SORCS2: variants seen among roughly 807,000 people sequenced by gnomAD.
SORCS2 encodes the protein sortilin related VPS10 domain containing receptor 2, also known as VPS10 domain-containing receptor SorCS2.
In SORCS2, 100 loss-of-function variants were observed where a neutral mutation model predicts 141.6. The ratio of observed to expected loss-of-function variants is 0.71; its 90% confidence interval spans 0.60 to 0.83. The LOEUF (loss-of-function observed/expected upper bound fraction) is 0.83. Among genes scored for constraint, SORCS2 ranks in the 40% least tolerant of loss-of-function variants. The pLI is 0.00. For missense variants in SORCS2, 1,646 were observed against 1,560.2 expected (o/e 1.05, Z -0.93); for synonymous variants, 789 against 676.9 (o/e 1.17, Z -2.57).
chr4:7,654,628 C>T (rs533353503), intron 5 of SORCS2, among the ~76,000 whole-genome samples: 13 of 152,324 alleles, frequency 8.5e-5, no homozygotes, highest in African/African-American at 2.9e-4. Flanking sequence ...CAGGCCCTGA[C>T]TCAGCCCCTG....
intron 1 of SORCS2, among the ~76,000 whole-genome samples, chr4:7,376,065 G>A (rs1269404449): frequency 6.6e-6 from 1 of 152,210 alleles, no homozygotes; most frequent in Non-Finnish European, 1.5e-5. Context: ...TCCAATGCAG[G>A]CAGGTCTGGA....
At chr4:7,417,472 C>A (rs1725774959) in intron 2 of SORCS2, among the ~76,000 whole-genome samples, 1 of 152,178 alleles carries the variant, frequency 6.6e-6, no homozygotes, top group Non-Finnish European at 1.5e-5. Flanking sequence ...TAGTGTTTGT[C>A]TGAGTTTGGG....
At chr4:7,239,960 C>A (rs191444544) in intron 1 of SORCS2, among the ~76,000 whole-genome samples, 1 of 152,184 alleles carries the variant, frequency 6.6e-6, no homozygotes, top group African/African-American at 2.4e-5. Context: ...GCGAGCACAG[C>A]CCTGAGTGTC....
At chr4:7,668,673 T>C (rs1253890817) in intron 8 of SORCS2, among the ~76,000 whole-genome samples, 6 of 152,206 alleles carry the variant, frequency 3.9e-5, no homozygotes, top group African/African-American at 1.4e-4. Context: ...GTGAGCTTAA[T>C]AGACTGAACT....
intron 2 of SORCS2, among the ~76,000 whole-genome samples, chr4:7,509,606 A>C (rs563608478): frequency 6.6e-6 from 1 of 152,334 alleles, no homozygotes; most frequent in Admixed American, 6.5e-5. Context: ...TGCACAGCCC[A>C]CAGGGGGCTG....
chr4:7,600,006 G>A (rs1482942201), intron 3 of SORCS2, among the ~76,000 whole-genome samples: 2 of 151,836 alleles, frequency 1.3e-5, no homozygotes, highest in Non-Finnish European at 2.9e-5. Context: ...ATATTTAGTA[G>A]AGACAGGGTT....
chr4:7,726,113 C>T (rs976121241), intron 20 of SORCS2, among the ~76,000 whole-genome samples: 1 of 152,238 alleles, frequency 6.6e-6, no homozygotes, highest in Non-Finnish European at 1.5e-5. Flanking sequence ...GCACCATCCC[C>T]ATGGCTGGGT....
intron 2 of SORCS2, chr4:7,434,989 G>A: frequency 1.5e-6 from 2 of 1,342,776 alleles, no homozygotes; most frequent in Non-Finnish European, 2.0e-6. Flanking sequence ...CCACCTCCTG[G>A]CCACTCCCAC....
At chr4:7,667,812 G>A (rs1042408945) in intron 8 of SORCS2, among the ~76,000 whole-genome samples, 3 of 152,198 alleles carry the variant, frequency 2.0e-5, no homozygotes, top group Non-Finnish European at 4.4e-5. Flanking sequence ...CCCTGCCTTG[G>A]GGCCTCTCTC....
intron 1 of SORCS2, among the ~76,000 whole-genome samples, chr4:7,206,297 C>T (rs1335275243): frequency 6.6e-6 from 1 of 152,148 alleles, no homozygotes; most frequent in Admixed American, 6.5e-5. Context: ...CTGTTGCTCC[C>T]CAAGCGCCTG....
intron 3 of SORCS2, among the ~76,000 whole-genome samples, chr4:7,582,406 A>C (rs1460103260): frequency 1.3e-5 from 2 of 152,220 alleles, no homozygotes; most frequent in Non-Finnish European, 2.9e-5. Context: ...AGGTAGTTGA[A>C]CATCTGGATG....
At chr4:7,342,568 G>A (rs1253739311) in intron 1 of SORCS2, among the ~76,000 whole-genome samples, 1 of 152,068 alleles carries the variant, frequency 6.6e-6, no homozygotes, top group Admixed American at 6.5e-5. Context: ...TTGGAGGTGC[G>A]GCGTGAAAGG....
Position 7,532,025 on chromosome 4 carries a change from C to T in SORCS2, c.648+396C>T, listed in dbSNP as rs545849967. The stretch of plus-strand genomic sequence containing the variant: ...GTTCTTCGGAAGTTAGTTGTTGATC[C>T]GGTTTTGATTATGCTATGATTTCCA... On this transcript the variant is annotated intron_variant, in intron 3 of 26. Coordinates refer to ENST00000507866, the MANE Select transcript of SORCS2 (RefSeq NM_020777.3). 1.1e-4 allele frequency among the ~76,000 whole-genome samples: 17 copies of T among 152,294 alleles called. No individual in the cohort carries two copies. The East Asian group carries it at 2.3e-3, about 21-fold the overall frequency.
chr4:7,597,905 C>T (rs1023547035), intron 3 of SORCS2, among the ~76,000 whole-genome samples: 19 of 150,236 alleles, frequency 1.3e-4, no homozygotes, highest in Non-Finnish European at 2.7e-4. Flanking sequence ...CAGGAAGGGC[C>T]ATTGAGGAGG....
chr4:7,352,420 C>T (rs532321091), intron 1 of SORCS2, among the ~76,000 whole-genome samples: 4 of 152,208 alleles, frequency 2.6e-5, no homozygotes, highest in Admixed American at 2.0e-4. Flanking sequence ...TTGGGCAGTG[C>T]TGGGACTCAC....
chr4:7,372,882 T>C (rs1722347257), intron 1 of SORCS2, among the ~76,000 whole-genome samples: 2 of 152,156 alleles, frequency 1.3e-5, no homozygotes, highest in Non-Finnish European at 2.9e-5. Context: ...TTGTTGGTGC[T>C]GGCATGTCTG....
chr4:7,208,171 C>T (rs913323888), intron 1 of SORCS2, among the ~76,000 whole-genome samples: 1 of 152,002 alleles, frequency 6.6e-6, no homozygotes, highest in Non-Finnish European at 1.5e-5. Flanking sequence ...CTGGCCTGGC[C>T]TCCTCACCCC....
At chr4:7,200,107 C>A (rs578075139) in intron 1 of SORCS2, among the ~76,000 whole-genome samples, 8 of 152,068 alleles carry the variant, frequency 5.3e-5, no homozygotes, top group Non-Finnish European at 1.0e-4. Context: ...AGGCCCTGAT[C>A]CCCCCTCGCT....
At chr4:7,394,755 C>G (rs1442941285) in intron 1 of SORCS2, among the ~76,000 whole-genome samples, 1 of 152,064 alleles carries the variant, frequency 6.6e-6, no homozygotes, top group East Asian at 1.9e-4. Flanking sequence ...CCAAACCCAG[C>G]AGTCTGCAGA....
Sources: allele counts gnomAD v4.1 joint callset (sites outside exome capture counted in the v4.1 genomes callset), GRCh38; gene constraint gnomAD v4.1.1; transcripts MANE v1.5; gene names NCBI Gene and HGNC (gene_info 2026-07-23, HGNC 2026-07-21).